THEMIS: variants seen among roughly 807,000 people sequenced by gnomAD.
THEMIS encodes the protein thymocyte selection associated.
In THEMIS, 37 loss-of-function variants were observed where a neutral mutation model predicts 52.6. That is an observed-to-expected ratio of 0.70 (90% CI 0.54 to 0.93). The LOEUF (loss-of-function observed/expected upper bound fraction) is 0.93, where lower values mean the gene tolerates loss of function less well. Ranked by LOEUF, THEMIS falls within the 40% of genes least tolerant of loss-of-function variation. The pLI is 0.00. For synonymous variants in THEMIS, 292 were observed against 272.7 expected (o/e 1.07, Z -0.70); for missense variants, 808 against 763.1 (o/e 1.06, Z -0.69).
intron 1 of THEMIS, among the ~76,000 whole-genome samples, chr6:127,878,811 T>C (rs1780392139): frequency 6.6e-6 from 1 of 152,204 alleles, no homozygotes. Context: ...AATTCTGCTT[T>C]GTCTTTCAAA....
chr6:127,767,154 C>T (rs551110827), intron 4 of THEMIS, among the ~76,000 whole-genome samples: 105 of 151,532 alleles, frequency 6.9e-4, no homozygotes, highest in African/African-American at 2.4e-3. Flanking sequence ...TGCAGTGGCA[C>T]GATCTTGACT....
At chr6:127,734,977 G>A (rs1230936044) in intron 4 of THEMIS, among the ~76,000 whole-genome samples, 2 of 140,556 alleles carry the variant, frequency 1.4e-5, no homozygotes, top group Non-Finnish European at 3.0e-5. Context: ...GTATATGTGT[G>A]TGTATATATA....
intron 4 of THEMIS, among the ~76,000 whole-genome samples, chr6:127,720,885 T>C (rs1488724959): frequency 2.1e-5 from 3 of 144,746 alleles, no homozygotes; most frequent in Non-Finnish European, 4.4e-5. Context: ...TTTCTTAAGA[T>C]TTTTAATGTG....
rs184852352 is a variant in THEMIS, at chr6:127,914,751, C to T, written c.-150+3677G>A. Among the ~76,000 whole-genome samples, 79 of 152,322 alleles carry T rather than the reference C, an allele frequency of 5.2e-4. No homozygotes were observed. In the Middle Eastern group the frequency reaches 0.01, roughly 20 times the overall value. On this transcript the variant is annotated intron_variant, in intron 1 of 6. Coordinates refer to the THEMIS transcript ENST00000368250. The stretch of plus-strand genomic sequence containing the variant: ...GGAACTTTCAAATGTATGTAAATGA[C>T]ATTTGCCGCCTTTGTTCCCACTTTA...
chr6:127,887,397 C>T (rs1052632826), intron 1 of THEMIS, among the ~76,000 whole-genome samples: 1 of 152,094 alleles, frequency 6.6e-6, no homozygotes, highest in Non-Finnish European at 1.5e-5. Flanking sequence ...GATCCTTATA[C>T]ATTAATGGTA....
intron 3 of THEMIS, among the ~76,000 whole-genome samples, chr6:127,827,422 C>T (rs1041598925): frequency 1.3e-5 from 2 of 151,974 alleles, no homozygotes; most frequent in Non-Finnish European, 1.5e-5. Context: ...ATGAAATTAA[C>T]GATCCAGTAT....
chr6:127,881,046 C>T (rs1396685201), intron 1 of THEMIS, among the ~76,000 whole-genome samples: 1 of 152,000 alleles, frequency 6.6e-6, no homozygotes, highest in Non-Finnish European at 1.5e-5. Context: ...TTGACTATTG[C>T]ATCAAAGCAG....
intron 1 of THEMIS, among the ~76,000 whole-genome samples, chr6:127,916,309 T>C (rs1781526527): frequency 6.6e-6 from 1 of 152,060 alleles, no homozygotes; most frequent in South Asian, 2.1e-4. Context: ...TTGAAAACAA[T>C]TATAGCTATA....
chr6:127,743,279 A>AT (rs891381262), intron 4 of THEMIS, among the ~76,000 whole-genome samples: 1 of 152,188 alleles, frequency 6.6e-6, no homozygotes, highest in African/African-American at 2.4e-5. Flanking sequence ...TCTTCTGGGC[A>AT]TAAAACATGC....
At chr6:127,782,311 C>T (rs926074171) in intron 4 of THEMIS, among the ~76,000 whole-genome samples, 1 of 152,144 alleles carries the variant, frequency 6.6e-6, no homozygotes, top group African/African-American at 2.4e-5. Context: ...GTGAACAGTT[C>T]TGTCTCACTG....
intron 1 of THEMIS, among the ~76,000 whole-genome samples, chr6:127,908,964 A>G (rs1293057104): frequency 2.0e-5 from 3 of 151,944 alleles, no homozygotes; most frequent in Non-Finnish European, 4.4e-5. Flanking sequence ...ATCTATTACA[A>G]ATTAAGCACT....
chr6:127,896,841 A>G (rs140851303), intron 1 of THEMIS, among the ~76,000 whole-genome samples: 2 of 151,636 alleles, frequency 1.3e-5, no homozygotes, highest in East Asian at 3.9e-4. Context: ...AGGTATTTTT[A>G]TTTCACAACC....
At chr6:127,848,651 T>C (rs1233683448) in intron 2 of THEMIS, among the ~76,000 whole-genome samples, 2 of 152,214 alleles carry the variant, frequency 1.3e-5, no homozygotes, top group Non-Finnish European at 2.9e-5. Flanking sequence ...ATTGTGGTTT[T>C]GATTTGCATT....
At chr6:127,827,141 T>G (rs1778536298) in intron 3 of THEMIS, among the ~76,000 whole-genome samples, 1 of 152,134 alleles carries the variant, frequency 6.6e-6, no homozygotes, top group Non-Finnish European at 1.5e-5. Context: ...TCAGACCTAC[T>G]CTTTTTCTTG....
intron 4 of THEMIS, among the ~76,000 whole-genome samples, chr6:127,780,134 C>T (rs966678574): frequency 2.0e-5 from 3 of 152,084 alleles, no homozygotes; most frequent in African/African-American, 4.8e-5. Flanking sequence ...TTTCATTGAT[C>T]GCTTTACCAT....
intron 3 of THEMIS, among the ~76,000 whole-genome samples, chr6:127,814,800 T>A (rs1295029971): frequency 6.6e-6 from 1 of 152,202 alleles, no homozygotes; most frequent in Non-Finnish European, 1.5e-5. Flanking sequence ...TGTCCTGCAT[T>A]TATTTACCTG....
intron 4 of THEMIS, among the ~76,000 whole-genome samples, chr6:127,787,441 A>G (rs994491903): frequency 2.6e-5 from 4 of 152,132 alleles, no homozygotes; most frequent in Admixed American, 2.0e-4. Flanking sequence ...TGCTGCACCC[A>G]TGTCACCATG....
chr6:127,746,084 A>G (rs916595621), intron 4 of THEMIS, among the ~76,000 whole-genome samples: 1 of 151,852 alleles, frequency 6.6e-6, no homozygotes, highest in African/African-American at 2.4e-5. Flanking sequence ...CTCAGTTTAT[A>G]CCCAGCTATT....
At chr6:127,915,470 C>T (rs9388602) in intron 1 of THEMIS, among the ~76,000 whole-genome samples, 10,279 of 151,618 alleles carry the variant, frequency 0.068, 978 homozygotes, top group East Asian at 0.37. Flanking sequence ...TATTGCTATT[C>T]GGCCCTGATT....
Sources: allele counts gnomAD v4.1 joint callset (sites outside exome capture counted in the v4.1 genomes callset), GRCh38; gene constraint gnomAD v4.1.1; transcripts MANE v1.5; gene names NCBI Gene and HGNC (gene_info 2026-07-23, HGNC 2026-07-21).